RMDN2: variants seen among roughly 807,000 people sequenced by gnomAD.
The protein encoded by RMDN2 is regulator of microtubule dynamics protein 2.
Under a neutral mutation model 52.8 loss-of-function variants are expected in RMDN2, and 61 were observed. The observed-to-expected ratio is 1.16, with a 90% CI of 0.94 to 1.43. The LOEUF (loss-of-function observed/expected upper bound fraction) is 1.43, where lower values mean the gene tolerates loss of function less well. Among genes scored for constraint, RMDN2 ranks in the 40% most tolerant of loss-of-function variants. The pLI, the probability that RMDN2 is intolerant of heterozygous loss-of-function variation, is 0.00. For synonymous variants in RMDN2, 180 were observed against 153.1 expected, an observed-to-expected ratio of 1.18 and a Z score of -1.30; for missense variants, 592 against 475.3, an observed-to-expected ratio of 1.25 and a Z score of -2.28.
chr2:38,002,370 G>A (rs1424102822), intron 8 of RMDN2, among the ~76,000 whole-genome samples: 2 of 152,120 alleles, frequency 1.3e-5, no homozygotes, highest in Non-Finnish European at 2.9e-5. Flanking sequence ...GATGTCCAAT[G>A]GAGAATGCTT....
At chr2:38,049,186 G>T (rs1681447045) in intron 10 of RMDN2, among the ~76,000 whole-genome samples, 1 of 152,198 alleles carries the variant, frequency 6.6e-6, no homozygotes, top group Non-Finnish European at 1.5e-5. Context: ...CTAGGATGGA[G>T]CAAGTCAGAC....
chr2:37,997,665 A>C, intron 8 of RMDN2, 151 bp downstream of exon 8: 1 of 608,806 alleles, frequency 1.6e-6, no homozygotes, highest in African/African-American at 1.9e-5. Context: ...TCATAATGCA[A>C]GTTATTAATA....
At chr2:37,955,759 T>C (rs1211250405) in intron 2 of RMDN2, among the ~76,000 whole-genome samples, 5 of 152,164 alleles carry the variant, frequency 3.3e-5, no homozygotes, top group African/African-American at 1.2e-4. Flanking sequence ...CCCAGCTATG[T>C]GGAACTGTAA....
At chr2:37,951,264 T>G in intron 2 of RMDN2, 1 of 1,600,776 alleles carries the variant, frequency 6.2e-7, no homozygotes, top group Non-Finnish European at 8.5e-7. Flanking sequence ...CTTCCAACGA[T>G]GTTCTCCAGA....
chr2:37,934,639 C>T (rs998785435), intron 2 of RMDN2, among the ~76,000 whole-genome samples: 3 of 151,886 alleles, frequency 2.0e-5, no homozygotes, highest in Non-Finnish European at 4.4e-5. Flanking sequence ...AGTATTCGAC[C>T]CCAAAAGCTG....
intron 10 of RMDN2, among the ~76,000 whole-genome samples, chr2:38,025,829 C>A (rs1167925579): frequency 6.6e-6 from 1 of 151,916 alleles, no homozygotes; most frequent in Non-Finnish European, 1.5e-5. Context: ...ATGTGTTATT[C>A]TTTTTATTGT....
intron 2 of RMDN2, among the ~76,000 whole-genome samples, chr2:37,933,908 G>T (rs1667075786): frequency 6.6e-6 from 1 of 152,178 alleles, no homozygotes; most frequent in Admixed American, 6.5e-5. Context: ...CAAGGTTTTT[G>T]TAAAGTACAT....
chr2:37,997,970 G>A (rs975895935), intron 8 of RMDN2: 3 of 171,622 alleles, frequency 1.7e-5, no homozygotes, highest in African/African-American at 7.2e-5. Context: ...TAAAGTTGCA[G>A]ACATTTCTCT....
chr2:38,004,090 G>A (rs1006598942), intron 9 of RMDN2, 46 bp downstream of exon 9: 10 of 1,603,268 alleles, frequency 6.2e-6, no homozygotes, highest in Admixed American at 3.3e-5. Flanking sequence ...TGAACCTATC[G>A]CATAAAAACG....
intron 2 of RMDN2, among the ~76,000 whole-genome samples, chr2:37,963,792 G>A (rs991440437): frequency 1.3e-5 from 2 of 151,950 alleles, no homozygotes; most frequent in African/African-American, 4.8e-5. Flanking sequence ...CCACAAAACC[G>A]CCATCGTCAT....
At chr2:38,048,647 G>T (rs554668577) in intron 10 of RMDN2, among the ~76,000 whole-genome samples, 16 of 152,298 alleles carry the variant, frequency 1.1e-4, no homozygotes, top group African/African-American at 3.8e-4. Context: ...AACACATCTG[G>T]AAAATGACCT....
intron 7 of RMDN2, among the ~76,000 whole-genome samples, chr2:37,993,058 G>A (rs574428681): frequency 1.3e-5 from 2 of 152,092 alleles, no homozygotes; most frequent in African/African-American, 2.4e-5. Flanking sequence ...GGGATTACAC[G>A]CGTGTGCCAC....
intron 2 of RMDN2, chr2:37,951,497 A>G: frequency 6.2e-7 from 1 of 1,612,100 alleles, no homozygotes; most frequent in Non-Finnish European, 8.5e-7. Context: ...ACTGGCAACA[A>G]AGTAGAGCTA....
At chr2:37,924,976 T>C (rs1383918645), upstream of RMDN2, among the ~76,000 whole-genome samples, 1 of 149,084 alleles carries the variant, frequency 6.7e-6, no homozygotes. Context: ...GGAGAGGGAG[T>C]GGGTTTGAGA....
intron 2 of RMDN2, chr2:37,951,830 A>G (rs1668847162): frequency 8.1e-6 from 13 of 1,613,730 alleles, no homozygotes; most frequent in Non-Finnish European, 1.1e-5. Flanking sequence ...CTATTGATAC[A>G]GCCTCCTATC....
In RMDN2 at chr2:37,961,501, G is replaced by A. The variant is rs545923251; in HGVS notation, c.453-12539G>A. ...GATATGGTTATTGATACTTGTGTAT[G>A]CTTCATTAAGTTCTTGTGCTGTGTT... On this transcript the variant is annotated intron_variant, in intron 2 of 10. Transcript: ENST00000354545. Among the ~76,000 whole-genome samples the A allele has an allele frequency of 9.2e-5, 14 of 151,796 alleles. No homozygotes were observed. The East Asian group carries it at 2.5e-3, about 28-fold the overall frequency.
At chr2:38,067,112 T>C in exon 11 of RMDN2, 1 of 967,446 alleles carries the variant, frequency 1.0e-6, no homozygotes, top group Non-Finnish European at 1.7e-6. Context: ...AGTAAAAAGA[T>C]TGGCAATAAA....
intron 10 of RMDN2, among the ~76,000 whole-genome samples, chr2:38,027,579 T>C (rs758929279): frequency 3.9e-5 from 6 of 152,214 alleles, no homozygotes; most frequent in Non-Finnish European, 7.3e-5. Context: ...ATAAAGCAAA[T>C]TGACATACTT....
At chr2:38,013,340 A>C (rs949057274) in intron 10 of RMDN2, among the ~76,000 whole-genome samples, 1 of 152,258 alleles carries the variant, frequency 6.6e-6, no homozygotes, top group African/African-American at 2.4e-5. Context: ...AGAAAAACCC[A>C]TATTTTAAAA....
Sources: allele counts gnomAD v4.1 joint callset (sites outside exome capture counted in the v4.1 genomes callset), GRCh38; gene constraint gnomAD v4.1.1; transcripts MANE v1.5; gene names NCBI Gene and HGNC (gene_info 2026-07-23, HGNC 2026-07-21).